ANKRD62: variants seen among roughly 807,000 people sequenced by gnomAD.
ANKRD62 encodes the protein ankyrin repeat domain 62.
In ANKRD62, 61 loss-of-function variants were observed where a neutral mutation model predicts 98.8. The observed-to-expected ratio is 0.62, with a 90% CI of 0.50 to 0.76. ANKRD62 has a LOEUF of 0.76. Among genes scored for constraint, ANKRD62 ranks in the 30% least tolerant of loss-of-function variants. The probability of loss-of-function intolerance (pLI) is 0.00; values close to 1 mark genes in which losing one functional copy is unlikely to be tolerated. For missense variants in ANKRD62, 933 were observed against 1,082.9 expected, an observed-to-expected ratio of 0.86 and a Z score of 1.94; for synonymous variants, 341 against 367.9, an observed-to-expected ratio of 0.93 and a Z score of 0.84.
At chr18:12,133,464 T>C (rs925741831), downstream of ANKRD62, among the ~76,000 whole-genome samples, 3 of 152,218 alleles carry the variant, frequency 2.0e-5, no homozygotes, top group African/African-American at 7.2e-5. Flanking sequence ...ACTGTCAGGC[T>C]GTTATTCAAC....
rs117890622 is a variant in ANKRD62 at position 12,095,625 on chromosome 18, T to C, written c.507+15T>C. The C allele has an allele frequency of 2.9e-3, 4,268 of 1,474,914 alleles. 226 individuals are homozygous for C. In the Admixed American group the frequency reaches 0.09, roughly 31 times the overall value. The allele number at this position is 1,474,914 out of a possible 1,614,324, so 91.4% of individuals were successfully genotyped here. On this transcript the variant is annotated intron_variant, in intron 3 of 13. Transcript: ENST00000587848. ...CAAGAAGCCAGGTATGATCAACCAA[T>C]GTTCTTTTCAAAGTATTTCAAGTAT...
intron 7 of ANKRD62, among the ~76,000 whole-genome samples, chr18:12,106,708 A>G (rs1272638844): frequency 6.6e-6 from 1 of 152,168 alleles, no homozygotes; most frequent in Non-Finnish European, 1.5e-5. Flanking sequence ...GTAGCATCTC[A>G]GCAGTTTCAC....
intron 10 of ANKRD62, among the ~76,000 whole-genome samples, chr18:12,119,741 C>T (rs1909745230): frequency 1.3e-5 from 2 of 151,910 alleles, no homozygotes; most frequent in South Asian, 4.2e-4. Flanking sequence ...ATTTAATTCT[C>T]TTATTTTATT....
intron 8 of ANKRD62, among the ~76,000 whole-genome samples, chr18:12,112,494 G>A (rs910880986): frequency 2.6e-5 from 4 of 152,166 alleles, no homozygotes; most frequent in African/African-American, 9.7e-5. Context: ...ATGGTACTGG[G>A]ATAACTGGCT....
At chr18:12,176,466 GTTA>G in the ANKRD62 span, among the ~76,000 whole-genome samples, 1 of 132,310 alleles carries the variant, frequency 7.6e-6, no homozygotes, top group East Asian at 3.3e-4. Context: ...ACACTCCGTT[GTTA>G]TTATAGCTTT....
intron 8 of ANKRD62, among the ~76,000 whole-genome samples, chr18:12,111,248 C>A (rs1450890950): frequency 3.5e-3 from 437 of 124,412 alleles, no homozygotes; most frequent in African/African-American, 3.4e-3. Flanking sequence ...GACTGCCTCT[C>A]AAAAAAAAAA....
At position 12,101,936 on chromosome 18, in the gene ANKRD62, C is replaced by A. The variant is rs1369692103; in HGVS notation, c.821-1222C>A. 3 of 823,882 alleles carry A rather than the reference C, an allele frequency of 3.6e-6. No individual in the cohort carries two copies. The South Asian group carries it at 4.0e-5, about 11-fold the overall frequency. 51.0% of individuals were successfully genotyped at this position (823,882 alleles called of 1,614,324 possible). On this transcript the variant is annotated intron_variant, in intron 6 of 13. Transcript: ENST00000587848. ...CCTTATTGTGAGTTGAATGGCATGA[C>A]AAAGCAGAGGCAAAGAGGCATACAT...
intron 6 of ANKRD62, 41 bp from the exon 7 acceptor site, chr18:12,103,117 T>G: frequency 7.8e-7 from 1 of 1,274,486 alleles, no homozygotes; most frequent in Non-Finnish European, 1.0e-6. Flanking sequence ...CTAATTGTTC[T>G]AAGTAGTTCA....
In ANKRD62 at chr18:12,111,077, G is replaced by A. The variant is rs9675448; in HGVS notation, c.1064+3610G>A. ...GACCATCCTAACATGATGAAACCCT[G>A]TCTCTACTAAAAATACAAAAAATTA... On this transcript the variant is annotated intron_variant, in intron 8 of 13. Coordinates refer to ENST00000587848, the MANE Select transcript of ANKRD62 (RefSeq NM_001277333.2). 5.1e-3 allele frequency among the ~76,000 whole-genome samples: 773 copies of A among 151,882 alleles called. 4 individuals carry two copies. Among genetic ancestry groups the A allele is most frequent in the African/African-American group, 0.017 (693 of 41,400 alleles).
At position 12,107,414 on chromosome 18, in the gene ANKRD62, C is replaced by T. The variant is rs1017178754; in HGVS notation, c.1011C>T (p.Asn337=). 4 of 1,518,116 alleles carry T rather than the reference C, an allele frequency of 2.6e-6. No homozygotes were observed. In the South Asian group the frequency reaches 4.9e-5, roughly 19 times the overall value. The allele number at this position is 1,518,116 out of a possible 1,614,324, so 94.0% of individuals were successfully genotyped here. Residue 337 remains asparagine (N), a synonymous_variant, in exon 8 of 14, where the codon AAC becomes AAT. Coordinates refer to ENST00000587848, the MANE Select transcript of ANKRD62 (RefSeq NM_001277333.2). ...DVDELIHKIK[N]RKPDNHQSPG... is the part of the protein sequence containing the mutation. ...ATGAATTAATTCACAAAATAAAGAA[C>T]AGAAAACCTGATAATCATCAATCTC...
the ANKRD62 span, among the ~76,000 whole-genome samples, chr18:12,159,865 C>T: frequency 6.6e-6 from 1 of 152,052 alleles, no homozygotes; most frequent in African/African-American, 2.4e-5. Flanking sequence ...CTGAATAAAA[C>T]ACTACATTTT....
intron 8 of ANKRD62, among the ~76,000 whole-genome samples, chr18:12,109,059 C>T (rs972352997): frequency 5.9e-5 from 9 of 152,178 alleles, no homozygotes; most frequent in African/African-American, 2.2e-4. Flanking sequence ...AGTGGATCTA[C>T]CTTTCTGGGG....
chr18:12,117,519 G>A (rs1280751317), intron 10 of ANKRD62, among the ~76,000 whole-genome samples: 1 of 152,196 alleles, frequency 6.6e-6, no homozygotes, highest in Non-Finnish European at 1.5e-5. Context: ...AGCAGTGAAA[G>A]CAGACATTCC....
the ANKRD62 span, among the ~76,000 whole-genome samples, chr18:12,156,861 A>G: frequency 6.6e-6 from 1 of 152,208 alleles, no homozygotes; most frequent in African/African-American, 2.4e-5. Flanking sequence ...TTGTCTTCAT[A>G]GGGTAGAAAA....
At chr18:12,118,524 G>A (rs1184905376) in intron 10 of ANKRD62, among the ~76,000 whole-genome samples, 4 of 151,364 alleles carry the variant, frequency 2.6e-5, no homozygotes, top group African/African-American at 7.3e-5. Context: ...CAGGAGAATC[G>A]CTTGAAGCTG....
the ANKRD62 span, among the ~76,000 whole-genome samples, chr18:12,136,379 C>G: frequency 6.6e-6 from 1 of 152,124 alleles, no homozygotes; most frequent in African/African-American, 2.4e-5. Flanking sequence ...TTTCTGAGAG[C>G]TCTGTTCTTT....
chr18:12,174,450 G>A, the ANKRD62 span, among the ~76,000 whole-genome samples: 1,269 of 152,246 alleles, frequency 8.3e-3, 66 homozygotes, highest in Admixed American at 0.073. Flanking sequence ...ACATACTCCC[G>A]TAGCTCAGTG....
chr18:12,139,488 C>T, the ANKRD62 span, among the ~76,000 whole-genome samples: 1 of 151,870 alleles, frequency 6.6e-6, no homozygotes, highest in African/African-American at 2.4e-5. Context: ...ACTAAAAATA[C>T]TGAAAAAATG....
intron 8 of ANKRD62, among the ~76,000 whole-genome samples, chr18:12,111,115 G>A (rs1909528367): frequency 6.6e-6 from 1 of 151,970 alleles, no homozygotes. Context: ...CAGACGTGGT[G>A]GCACACACCT....
Sources: allele counts gnomAD v4.1 joint callset (sites outside exome capture counted in the v4.1 genomes callset), GRCh38; gene constraint gnomAD v4.1.1; transcripts MANE v1.5; gene names NCBI Gene and HGNC (gene_info 2026-07-23, HGNC 2026-07-21).